Variants in RARB observed in about 807,000 individuals in gnomAD.
The protein encoded by RARB is retinoic acid receptor beta.
In RARB, 17 loss-of-function variants were observed where a neutral mutation model predicts 51.9. The ratio of observed to expected loss-of-function variants is 0.33; its 90% confidence interval spans 0.22 to 0.49. RARB has a LOEUF of 0.49. Ranked by LOEUF, RARB falls within the 20% of genes least tolerant of loss-of-function variation. The pLI, the probability that RARB is intolerant of heterozygous loss-of-function variation, is 0.99. For synonymous variants in RARB, 215 were observed against 195.4 expected, an observed-to-expected ratio of 1.10 and a Z score of -0.84; for missense variants, 369 against 550.8, an observed-to-expected ratio of 0.67 and a Z score of 3.30.
intron 3 of RARB, among the ~76,000 whole-genome samples, chr3:25,543,219 A>G (rs1296353540): frequency 6.6e-6 from 1 of 152,184 alleles, no homozygotes; most frequent in African/African-American, 2.4e-5. Flanking sequence ...CACCTAAAGT[A>G]TCCATAGAGC....
chr3:25,024,605 G>A (rs532793725), intron 2 of RARB, among the ~76,000 whole-genome samples: 48 of 152,138 alleles, frequency 3.2e-4, no homozygotes, highest in Non-Finnish European at 4.0e-4. Flanking sequence ...TAGTCCATTG[G>A]ACTAGAAAGC....
At chr3:25,123,196 A>G (rs965452622) in intron 3 of RARB, among the ~76,000 whole-genome samples, 4 of 152,096 alleles carry the variant, frequency 2.6e-5, no homozygotes, top group Admixed American at 1.3e-4. Context: ...ATTCATTGAC[A>G]GGTTTGTCTG....
At chr3:25,217,633 C>A (rs1575228328) in intron 5 of RARB, among the ~76,000 whole-genome samples, 1 of 152,106 alleles carries the variant, frequency 6.6e-6, no homozygotes, top group East Asian at 1.9e-4. Flanking sequence ...AGCTGTGTGA[C>A]CTTTTGTCTC....
At chr3:25,081,838 G>C (rs2125313305) in intron 3 of RARB, among the ~76,000 whole-genome samples, 1 of 150,686 alleles carries the variant, frequency 6.6e-6, no homozygotes, top group South Asian at 2.1e-4. Context: ...TCACCATGTT[G>C]GCCAGGCTGG....
intron 4 of RARB, among the ~76,000 whole-genome samples, chr3:25,143,746 A>G (rs1700145630): frequency 1.3e-5 from 2 of 152,204 alleles, no homozygotes. Context: ...TTGAGTTCAA[A>G]TGCTGCCCTG....
chr3:25,278,660 T>C (rs1703450870), intron 5 of RARB, among the ~76,000 whole-genome samples: 1 of 152,224 alleles, frequency 6.6e-6, no homozygotes, highest in Admixed American at 6.5e-5. Context: ...GAAACCCAGA[T>C]ATAGCTTCTT....
chr3:25,070,175 T>A (rs1174442017), intron 3 of RARB, among the ~76,000 whole-genome samples: 1 of 152,240 alleles, frequency 6.6e-6, no homozygotes. Flanking sequence ...GTTCTCCCTG[T>A]GTGTCTCTGT....
chr3:24,846,300 T>C (rs1221898463), intron 1 of RARB, among the ~76,000 whole-genome samples: 1 of 152,208 alleles, frequency 6.6e-6, no homozygotes, highest in Non-Finnish European at 1.5e-5. Context: ...TTAAATAAGA[T>C]AAGGAATGTT....
At chr3:25,567,272 A>T (rs896429387) in intron 3 of RARB, among the ~76,000 whole-genome samples, 1 of 152,180 alleles carries the variant, frequency 6.6e-6, no homozygotes, top group South Asian at 2.1e-4. Flanking sequence ...CTAAAAAACA[A>T]AACCCTGAAC....
At chr3:25,491,083 C>G (rs116644157) in intron 2 of RARB, among the ~76,000 whole-genome samples, 1 of 152,196 alleles carries the variant, frequency 6.6e-6, no homozygotes, top group Non-Finnish European at 1.5e-5. Context: ...ACCTCATACT[C>G]TTCACCTTCT....
At chr3:25,097,601 T>C (rs1414495302) in intron 3 of RARB, among the ~76,000 whole-genome samples, 1 of 152,144 alleles carries the variant, frequency 6.6e-6, no homozygotes, top group Admixed American at 6.5e-5. Flanking sequence ...AGAGCCACCA[T>C]ACTCCAGCCT....
At chr3:25,510,191 A>AT (rs1697817883) in intron 3 of RARB, among the ~76,000 whole-genome samples, 1 of 152,232 alleles carries the variant, frequency 6.6e-6, no homozygotes, top group African/African-American at 2.4e-5. Flanking sequence ...CACAGCTGGT[A>AT]TACACCCATG....
intron 5 of RARB, among the ~76,000 whole-genome samples, chr3:25,238,155 C>CG (rs978500359): frequency 1.4e-4 from 22 of 152,020 alleles, no homozygotes; most frequent in Middle Eastern, 3.4e-3. Context: ...CCAGCGCCCC[C>CG]CCACACATCC....
At position 25,501,335 on chromosome 3, in the gene RARB, C is replaced by G; in HGVS notation, c.448+12C>G. 1.2e-6 allele frequency: 2 copies of G among 1,605,840 alleles called. No individual in the cohort carries two copies. The highest frequency in any genetic ancestry group is 8.5e-7 in the Non-Finnish European group (1 of 1,177,984). On this transcript the variant is annotated intron_variant, in intron 3 of 7. Coordinates refer to ENST00000330688, the MANE Select transcript of RARB (RefSeq NM_000965.5). The stretch of plus-strand genomic sequence containing the variant: ...AATGTCCAAAGAATGTAAGTGGAGT[C>G]TCAAAAAACTTTTTCCCTGTTTTCC...
At chr3:24,982,776 G>T (rs550644669) in intron 2 of RARB, among the ~76,000 whole-genome samples, 11 of 152,260 alleles carry the variant, frequency 7.2e-5, no homozygotes, top group African/African-American at 2.4e-4. Context: ...TTAGAAATGT[G>T]TTGGAGTGTT....
intron 2 of RARB, among the ~76,000 whole-genome samples, chr3:25,037,320 T>C (rs1423454838): frequency 1.3e-5 from 2 of 152,024 alleles, no homozygotes; most frequent in East Asian, 3.9e-4. Context: ...TTAGTCGCTG[T>C]TCTTCTTAAT....
chr3:25,235,063 A>G (rs73044255), intron 5 of RARB, among the ~76,000 whole-genome samples: 13,274 of 152,216 alleles, frequency 0.087, 755 homozygotes, highest in Non-Finnish European at 0.13. Flanking sequence ...AGGAGTTTCT[A>G]TCAGAGTTCT....
intron 2 of RARB, among the ~76,000 whole-genome samples, chr3:24,885,086 T>C (rs1330486407): frequency 6.6e-6 from 1 of 152,158 alleles, no homozygotes; most frequent in Non-Finnish European, 1.5e-5. Context: ...GAATCTGTTA[T>C]GTTAGAATTA....
chr3:24,918,693 G>T (rs1178372638), intron 2 of RARB, among the ~76,000 whole-genome samples: 66 of 152,096 alleles, frequency 4.3e-4, no homozygotes, highest in Admixed American at 4.3e-3. Context: ...GACCATCCTG[G>T]CCAACAGGCC....
Sources: allele counts gnomAD v4.1 joint callset (sites outside exome capture counted in the v4.1 genomes callset), GRCh38; gene constraint gnomAD v4.1.1; transcripts MANE v1.5; gene names NCBI Gene and HGNC (gene_info 2026-07-23, HGNC 2026-07-21).